The following FKBP9 variants were observed in gnomAD, a reference collection of about 807,000 sequenced individuals.
FKBP9 encodes the protein FKBP prolyl isomerase 9.
In FKBP9, 27 loss-of-function variants were observed where a neutral mutation model predicts 55.6. That is an observed-to-expected ratio of 0.49 (90% CI 0.36 to 0.67). FKBP9 has a LOEUF of 0.67. Among genes scored for constraint, FKBP9 ranks in the 30% least tolerant of loss-of-function variants. The pLI is 0.00. For missense variants in FKBP9, 539 were observed against 742.8 expected (o/e 0.73, Z 3.19); for synonymous variants, 267 against 296.5 (o/e 0.90, Z 1.02).
chr7:33,000,756 A>C (rs1784914624), intron 8 of FKBP9, among the ~76,000 whole-genome samples: 1 of 151,056 alleles, frequency 6.6e-6, no homozygotes, highest in South Asian at 2.1e-4. Flanking sequence ...TTTCAGCCAC[A>C]ATGTGTCCTC....
At position 32,980,376 on chromosome 7, in the gene FKBP9, C is replaced by T. The variant is rs376556316; in HGVS notation, c.716C>T (p.Pro239Leu). 51 of 1,611,198 alleles carry T rather than the reference C, an allele frequency of 3.2e-5. No homozygotes were observed. In the African/African-American group the frequency reaches 6.4e-4, roughly 20 times the overall value. The change falls in exon 5 of 10, where the codon CCC becomes CTC. Residue 239 changes from proline (P) to leucine (L), a missense_variant. This residue lies in a region of FKBP9 where 29 missense variants were observed against 65.3 expected (regional missense o/e 0.44). Transcript: ENST00000242209. ...YGEDGDGKDI[P>L]GQASLVFDVA... ...CATTCCATTCTAGGGAAAGACATTC[C>T]CGGTCAGGCATCTCTGGTGTTTGAT...
At chr7:32,993,450 A>C (rs1461446554) in intron 6 of FKBP9, among the ~76,000 whole-genome samples, 5 of 152,218 alleles carry the variant, frequency 3.3e-5, no homozygotes, top group African/African-American at 1.2e-4. Flanking sequence ...CTTGAGTGGA[A>C]TCATACAATA....
At chr7:32,968,310 C>T (rs950038603) in intron 1 of FKBP9, among the ~76,000 whole-genome samples, 3 of 152,154 alleles carry the variant, frequency 2.0e-5, no homozygotes, top group South Asian at 2.1e-4. Flanking sequence ...TGAGCCACTG[C>T]GTCCGGCCTG....
At chr7:32,992,146 G>A (rs1784696139) in intron 6 of FKBP9, among the ~76,000 whole-genome samples, 1 of 152,130 alleles carries the variant, frequency 6.6e-6, no homozygotes, top group East Asian at 1.9e-4. Flanking sequence ...CCCATATGTG[G>A]AGAACCGAGA....
intron 1 of FKBP9, among the ~76,000 whole-genome samples, chr7:32,971,606 A>G (rs1288227355): frequency 6.6e-6 from 1 of 151,982 alleles, no homozygotes; most frequent in Non-Finnish European, 1.5e-5. Flanking sequence ...TCAGTCTCCC[A>G]AGTAGCTGGG....
intron 1 of FKBP9, among the ~76,000 whole-genome samples, chr7:32,966,974 A>G (rs1322333339): frequency 6.6e-6 from 1 of 152,154 alleles, no homozygotes; most frequent in Non-Finnish European, 1.5e-5. Flanking sequence ...AAACCCTATC[A>G]GGCATCAGAT....
rs1326613012 is a variant in FKBP9, at chr7:32,957,568, GC to G, written c.-2del. On this transcript the variant is annotated 5_prime_UTR_variant, in exon 1 of 10. Transcript: ENST00000242209. ...CTGCGTCCGCGCCACTCTTCTCGCCGCCCCGATGGCGTTCCGGGGCTGGAGG... is the reference window on the plus strand; with the variant it reads ...CTGCGTCCGCGCCACTCTTCTCGCCGCCCGATGGCGTTCCGGGGCTGGAGG... 44 of 1,452,618 alleles carry G rather than the reference GC, an allele frequency of 3.0e-5. No homozygotes were observed. Among genetic ancestry groups the G allele is most frequent in the Non-Finnish European group, 3.7e-5 (41 of 1,111,684 alleles). 90.0% of individuals were successfully genotyped at this position (1,452,618 alleles called of 1,614,324 possible).
rs1784362832 is a variant in FKBP9 at position 32,976,316 on chromosome 7, A to G, written c.558-38A>G. ...GGAGAGATGAGTTGGAAATATCCTC[A>G]TGGTGTGGAACTTTTTCCCTTTCTC... On this transcript the variant is annotated intron_variant, in intron 3 of 9. Coordinates refer to ENST00000242209, the MANE Select transcript of FKBP9 (RefSeq NM_007270.5). The G allele has an allele frequency of 4.3e-6, 7 of 1,613,552 alleles. No homozygotes were observed. In the South Asian group the frequency reaches 6.6e-5, roughly 15 times the overall value.
intron 1 of FKBP9, among the ~76,000 whole-genome samples, chr7:32,973,540 C>T (rs1184405934): frequency 4.0e-5 from 6 of 148,656 alleles, no homozygotes; most frequent in Non-Finnish European, 8.9e-5. Context: ...ATCATGCTGC[C>T]TCTGTGTTTA....
At chr7:32,968,176 C>A (rs1338463048) in intron 1 of FKBP9, among the ~76,000 whole-genome samples, 1 of 152,182 alleles carries the variant, frequency 6.6e-6, no homozygotes, top group Admixed American at 6.5e-5. Flanking sequence ...GTACCTGGGA[C>A]TACAGTACCT....
intron 1 of FKBP9, among the ~76,000 whole-genome samples, chr7:32,963,013 C>G (rs1268723270): frequency 6.6e-6 from 1 of 152,160 alleles, no homozygotes; most frequent in African/African-American, 2.4e-5. Context: ...CAGTGAGTGC[C>G]TTGTGAGTAT....
At chr7:32,998,458 C>T (rs1453888975) in intron 7 of FKBP9, 3 of 152,154 alleles carry the variant, frequency 2.0e-5, no homozygotes, top group Admixed American at 2.0e-4. Flanking sequence ...GGACTCATAA[C>T]ATCCTGGCAG....
chr7:32,969,170 C>T (rs1443540116), intron 1 of FKBP9, among the ~76,000 whole-genome samples: 1 of 151,918 alleles, frequency 6.6e-6, no homozygotes, highest in Non-Finnish European at 1.5e-5. Context: ...GGTTTGCAAA[C>T]ATTTTCTCCC....
intron 5 of FKBP9, among the ~76,000 whole-genome samples, chr7:32,986,135 G>A (rs1264954846): frequency 2.6e-5 from 4 of 152,272 alleles, no homozygotes; most frequent in South Asian, 2.1e-4. Context: ...AGCCCACCCC[G>A]CCACTCCGTC....
At chr7:32,964,840 T>C (rs1784101059) in intron 1 of FKBP9, among the ~76,000 whole-genome samples, 1 of 152,188 alleles carries the variant, frequency 6.6e-6, no homozygotes, top group South Asian at 2.1e-4. Context: ...GCCTCCCTGC[T>C]TTCAAGTCTG....
At chr7:32,990,131 C>T (rs1784652197) in intron 6 of FKBP9, among the ~76,000 whole-genome samples, 1 of 152,158 alleles carries the variant, frequency 6.6e-6, no homozygotes, top group Non-Finnish European at 1.5e-5. Context: ...CATGCCTAGC[C>T]TCCTGTTACC....
chr7:32,970,640 A>C (rs1231002962), intron 1 of FKBP9, among the ~76,000 whole-genome samples: 2 of 146,262 alleles, frequency 1.4e-5, no homozygotes, highest in East Asian at 4.0e-4. Context: ...AAGATTGTTC[A>C]TTATTAGTGT....
In FKBP9 at chr7:32,984,720, T is replaced by G. The variant is rs374028630; in HGVS notation, c.894-3787T>G. ...GCTCATAAATGCTTTCATATTTAAG[T>G]CTTTAATCCATCTGGAATTTATTGT... On this transcript the variant is annotated intron_variant, in intron 5 of 9. Coordinates refer to ENST00000242209, the MANE Select transcript of FKBP9 (RefSeq NM_007270.5). 1.8e-4 allele frequency among the ~76,000 whole-genome samples: 28 copies of G among 152,350 alleles called. No homozygotes were observed. In the East Asian group the frequency reaches 4.4e-3, roughly 24 times the overall value.
At position 32,980,500 on chromosome 7, in the gene FKBP9, T is replaced by G. The variant is rs747051449; in HGVS notation, c.840T>G (p.Phe280Leu). ...NCERISQSGD[F>L]LRYHYNGTLL... ...AGCGGATAAGTCAAAGTGGGGACTT[T>G]CTCAGGTATCATTACAATGGCACGC... The change falls in exon 5 of 10, where the codon TTT becomes TTG. Residue 280 changes from phenylalanine to leucine, a missense_variant. Physicochemically the swap from Phe to Leu is conservative, Grantham distance 22 (BLOSUM62 0). Around this residue, in one of 4 missense-constraint regions of FKBP9, gnomAD observed 172 missense variants for 205.3 expected, o/e 0.84. Coordinates refer to ENST00000242209, the MANE Select transcript of FKBP9 (RefSeq NM_007270.5). 3 of 1,613,898 alleles carry G rather than the reference T, an allele frequency of 1.9e-6. No homozygotes were observed. Among genetic ancestry groups the G allele is most frequent in the Non-Finnish European group, 2.5e-6 (3 of 1,179,854 alleles).
Sources: gnomAD v4.1 joint callset for allele counts (sites outside exome capture counted in the v4.1 genomes callset) on GRCh38, gnomAD v4.1.1 for gene constraint, gnomAD v4.1.1 regional missense constraint, MANE v1.5 for transcripts, NCBI Gene and HGNC (gene_info 2026-07-23, HGNC 2026-07-21) for gene names.